Variants in SCMH1 observed in about 807,000 individuals in gnomAD.
The protein encoded by SCMH1 is polycomb protein SCMH1.
A neutral mutation model predicts 70.8 loss-of-function variants in SCMH1; 37 were observed. The observed-to-expected ratio is 0.52, with a 90% CI of 0.40 to 0.69. SCMH1 has a LOEUF of 0.69. Ranked by LOEUF, SCMH1 falls within the 30% of genes least tolerant of loss-of-function variation. SCMH1 has a pLI of 0.00. For missense variants in SCMH1, 607 were observed against 827.3 expected, an observed-to-expected ratio of 0.73 and a Z score of 3.27; for synonymous variants, 292 against 307.4, an observed-to-expected ratio of 0.95 and a Z score of 0.52.
intron 12 of SCMH1, among the ~76,000 whole-genome samples, chr1:41,039,970 AAAG>A (rs1231909510): frequency 2.0e-5 from 3 of 151,814 alleles, no homozygotes; most frequent in Non-Finnish European, 2.9e-5. Flanking sequence ...TTTTTTAAAA[AAAG>A]GAGTTCTACT....
intron 1 of SCMH1, among the ~76,000 whole-genome samples, chr1:41,210,571 G>A (rs908949168): frequency 6.6e-6 from 1 of 152,082 alleles, no homozygotes; most frequent in Non-Finnish European, 1.5e-5. Flanking sequence ...ACAACCATCT[G>A]ATCTTTTGCA....
In SCMH1 at chr1:41,199,127, A is replaced by G. The variant is rs1573001120; in HGVS notation, c.-117-12877T>C. Among the ~76,000 whole-genome samples the G allele has an allele frequency of 2.6e-5, 4 of 152,256 alleles. No homozygotes were observed. In the South Asian group the frequency reaches 8.3e-4, roughly 32 times the overall value. On this transcript the variant is annotated intron_variant, in intron 1 of 14. Transcript: ENST00000337495. The stretch of plus-strand genomic sequence containing the variant: ...TAAAGAACCATCATAGCAGAAGAGC[A>G]TAAACTATGTGTTAGGCACTTTAAA...
At position 41,075,316 on chromosome 1, in the gene SCMH1, G is replaced by A; in HGVS notation, c.881C>T (p.Thr294Ile). 2.5e-6 allele frequency: 4 copies of A among 1,614,186 alleles called. No homozygotes were observed. The African/African-American group carries it at 4.0e-5, about 16-fold the overall frequency. The change falls in exon 9 of 15, where the codon ACA (threonine) becomes ATA (isoleucine). Residue 294 changes from threonine to isoleucine, a missense_variant. Physicochemically the swap from Thr to Ile is moderately conservative, Grantham distance 89 (BLOSUM62 -1). This residue lies in a region of SCMH1 where 430 missense variants were observed against 528.2 expected (regional missense o/e 0.81). Transcript: ENST00000337495. ...GGGATGGGAAATTAGGGTCTTGGGT[G>A]TCCGGCCCCGCTTCTTTCCTGGTTT...
At chr1:41,174,297 C>CT (rs1389528387) in intron 2 of SCMH1, among the ~76,000 whole-genome samples, 1 of 149,084 alleles carries the variant, frequency 6.7e-6, no homozygotes, top group East Asian at 2.0e-4. Flanking sequence ...TGCCACCCAG[C>CT]TACTCTGGGC....
At chr1:41,052,499 T>C (rs75693318) in intron 10 of SCMH1, among the ~76,000 whole-genome samples, 11,893 of 152,302 alleles carry the variant, frequency 0.078, 601 homozygotes, top group South Asian at 0.13. Context: ...AAACCAGTCC[T>C]TGGTGCCAAA....
At chr1:41,183,799 A>G (rs931764786) in intron 2 of SCMH1, among the ~76,000 whole-genome samples, 2 of 152,256 alleles carry the variant, frequency 1.3e-5, no homozygotes, top group African/African-American at 4.8e-5. Context: ...ATGGTAAGAT[A>G]TCAATTATTC....
At chr1:41,233,320 T>C (rs893802605) in intron 1 of SCMH1, among the ~76,000 whole-genome samples, 1 of 152,226 alleles carries the variant, frequency 6.6e-6, no homozygotes, top group Admixed American at 6.5e-5. Context: ...TACTGTTCTT[T>C]AGAATATCAT....
chr1:41,125,778 TG>T (rs1673042491), intron 6 of SCMH1, among the ~76,000 whole-genome samples: 1 of 151,970 alleles, frequency 6.6e-6, no homozygotes, highest in South Asian at 2.1e-4. Context: ...GGTCTTGCCA[TG>T]TTGCCCAGGC....
rs540174094 is a variant in SCMH1 at position 41,074,629 on chromosome 1, G to A, written c.978+590C>T. 3.9e-5 allele frequency among the ~76,000 whole-genome samples: 6 copies of A among 152,202 alleles called. No individual in the cohort carries two copies. The East Asian group carries it at 1.2e-3, about 29-fold the overall frequency. On this transcript the variant is annotated intron_variant, in intron 9 of 14. Transcript: ENST00000337495. ...CATCTACTTTGGAAAGGTTAACAAA[G>A]AGCAGTTTCTTCCATGTACACTAGA...
exon 6 of SCMH1, chr1:41,143,071 T>C (rs1644245235): frequency 6.2e-7 from 1 of 1,614,124 alleles, no homozygotes; most frequent in Non-Finnish European, 8.5e-7. Flanking sequence ...GTGCTTCCAA[T>C]TTCATACTGA....
intron 13 of SCMH1, among the ~76,000 whole-genome samples, chr1:41,031,445 C>T (rs1422599708): frequency 6.6e-6 from 1 of 152,184 alleles, no homozygotes; most frequent in Non-Finnish European, 1.5e-5. Context: ...CCTAAAAAGT[C>T]AAAGTACACT....
chr1:41,221,662 C>T (rs775814440), intron 1 of SCMH1, among the ~76,000 whole-genome samples: 2 of 151,086 alleles, frequency 1.3e-5, no homozygotes, highest in Non-Finnish European at 2.9e-5. Context: ...CCAAGCTGGG[C>T]GGACCACTTG....
intron 7 of SCMH1, among the ~76,000 whole-genome samples, chr1:41,116,626 C>T (rs1034582627): frequency 1.3e-5 from 2 of 152,096 alleles, no homozygotes; most frequent in African/African-American, 2.4e-5. Context: ...ATAAGAATAG[C>T]GCCTTTAGAT....
rs533715445 is a variant in SCMH1, at chr1:41,075,136, T to A, written c.978+83A>T. The stretch of plus-strand genomic sequence containing the variant: ...CTCGGCCTCCCATTAAGTGCTGGGA[T>A]TACAGGCGTGAGCCACGGCGCCTGG... On this transcript the variant is annotated intron_variant, in intron 9 of 14. Transcript: ENST00000337495. The A allele has an allele frequency of 2.7e-5, 36 of 1,351,022 alleles. No individual in the cohort carries two copies. The East Asian group carries it at 8.1e-4, about 30-fold the overall frequency. The allele number at this position is 1,351,022 out of a possible 1,614,324, so 83.7% of individuals were successfully genotyped here.
intron 8 of SCMH1, among the ~76,000 whole-genome samples, chr1:41,095,088 C>T (rs1477016406): frequency 6.6e-6 from 1 of 152,040 alleles, no homozygotes; most frequent in Non-Finnish European, 1.5e-5. Flanking sequence ...TACCAGTTTA[C>T]CTGTTTATGT....
At chr1:41,153,370 C>A (rs1645240556) in intron 4 of SCMH1, among the ~76,000 whole-genome samples, 2 of 152,134 alleles carry the variant, frequency 1.3e-5, no homozygotes, top group African/African-American at 2.4e-5. Flanking sequence ...CCACACATAG[C>A]TAATAGTTAC....
chr1:41,196,602 AG>A (rs1328801843), intron 1 of SCMH1, among the ~76,000 whole-genome samples: 1 of 152,330 alleles, frequency 6.6e-6, no homozygotes. Flanking sequence ...AACTCTTAGA[AG>A]AAAACATAGG....
chr1:41,190,393 T>C (rs992336160), intron 1 of SCMH1, among the ~76,000 whole-genome samples: 1 of 152,224 alleles, frequency 6.6e-6, no homozygotes, highest in Non-Finnish European at 1.5e-5. Context: ...GTAGATAGAC[T>C]TCAGCATATT....
At chr1:41,075,152 C>A in intron 9 of SCMH1, 67 bp downstream of exon 9, 1 of 1,505,914 alleles carries the variant, frequency 6.6e-7, no homozygotes, top group Middle Eastern at 1.7e-4. Flanking sequence ...GCGTGAGCCA[C>A]GGCGCCTGGC....
Sources: allele counts gnomAD v4.1 joint callset (sites outside exome capture counted in the v4.1 genomes callset), GRCh38; gene constraint gnomAD v4.1.1; regional missense constraint gnomAD v4.1.1; transcripts MANE v1.5; gene names NCBI Gene and HGNC (gene_info 2026-07-23, HGNC 2026-07-21).